Variants in ADARB2 observed in about 807,000 individuals in gnomAD.
ADARB2 encodes adenosine deaminase RNA specific B2 (inactive), also known as inactive double-stranded RNA-specific editase B2.
ADARB2 carries 25 observed loss-of-function variants against 62.2 expected under a neutral mutation model. The ratio of observed to expected loss-of-function variants is 0.40; its 90% CI spans 0.29 to 0.56. ADARB2 has a LOEUF of 0.56. ADARB2 is among the 20% of genes least tolerant of loss of function. ADARB2 has a pLI of 0.43. For synonymous variants in ADARB2, 572 were observed against 500.8 expected, an observed-to-expected ratio of 1.14 and a Z score of -1.90; for missense variants, 1,071 against 1,077.4, an observed-to-expected ratio of 0.99 and a Z score of 0.08.
intron 6 of ADARB2, among the ~76,000 whole-genome samples, chr10:1,218,253 G>T (rs1830649480): frequency 6.6e-6 from 1 of 152,074 alleles, no homozygotes; most frequent in South Asian, 2.1e-4. Context: ...GTTTCGCCAT[G>T]TTGGCTAGGC....
chr10:1,248,156 C>T (rs1462935378), intron 4 of ADARB2, among the ~76,000 whole-genome samples: 4 of 152,154 alleles, frequency 2.6e-5, no homozygotes, highest in African/African-American at 4.8e-5. Context: ...ACTGAGGTCC[C>T]GTCTCCAGCT....
chr10:1,254,839 ACCCACTCTGTGGGCATCCACAGATG>A, intron 4 of ADARB2, among the ~76,000 whole-genome samples: 1 of 152,254 alleles, frequency 6.6e-6, no homozygotes, highest in Admixed American at 6.5e-5. Context: ...TACAAAGAAA[ACCCACTCTGTGGGCATCCACAGATG>A]CCATGGTCCC....
chr10:1,378,934 A>G (rs1832457886), intron 2 of ADARB2, 140 bp downstream of exon 2: 1 of 679,046 alleles, frequency 1.5e-6, no homozygotes, highest in Non-Finnish European at 2.6e-6. Context: ...GAGGAATGAG[A>G]GCAGATACTG....
chr10:1,404,759 C>A (rs1490700903), intron 1 of ADARB2, among the ~76,000 whole-genome samples: 4 of 152,156 alleles, frequency 2.6e-5, no homozygotes, highest in Non-Finnish European at 5.9e-5. Context: ...CCCAAAGGAC[C>A]CTGGACAGAC....
At chr10:1,568,675 T>C (rs568030432) in intron 1 of ADARB2, among the ~76,000 whole-genome samples, 2 of 152,258 alleles carry the variant, frequency 1.3e-5, no homozygotes, top group East Asian at 1.9e-4. Context: ...CACTGTTTCC[T>C]AAGGAGTTTG....
rs542703040 is a variant in ADARB2, at chr10:1,649,411, T to C, written c.100+87640A>G. ...ACTTTTCTATCATGATCTGGGCCCC[T>C]GTCCTGCCCTTCAGCCACAGTTCAT... On this transcript the variant is annotated intron_variant, in intron 1 of 9. Coordinates refer to ENST00000381312, the MANE Select transcript of ADARB2 (RefSeq NM_018702.4). 3.0e-4 allele frequency among the ~76,000 whole-genome samples: 46 copies of C among 152,222 alleles called. 1 individual carries two copies. Among genetic ancestry groups the C allele is most frequent in the African/African-American group, 1.1e-3 (46 of 41,560 alleles).
At chr10:1,243,686 C>G (rs562933065) in intron 4 of ADARB2, among the ~76,000 whole-genome samples, 6 of 152,382 alleles carry the variant, frequency 3.9e-5, no homozygotes, top group African/African-American at 1.4e-4. Context: ...GGGAAGTAAC[C>G]TGCAGAGGCC....
intron 3 of ADARB2, among the ~76,000 whole-genome samples, chr10:1,354,219 A>T (rs1214913128): frequency 6.6e-6 from 1 of 152,102 alleles, no homozygotes; most frequent in Non-Finnish European, 1.5e-5. Context: ...AGAAGACAGG[A>T]ATGTCAGGCC....
chr10:1,679,550 T>C (rs1002131979), intron 1 of ADARB2, among the ~76,000 whole-genome samples: 5 of 152,212 alleles, frequency 3.3e-5, no homozygotes, highest in African/African-American at 9.7e-5. Flanking sequence ...GTGCAACTCC[T>C]GGGCCCTTAA....
chr10:1,726,985 G>T (rs970471093), intron 1 of ADARB2, among the ~76,000 whole-genome samples: 2 of 152,144 alleles, frequency 1.3e-5, no homozygotes, highest in African/African-American at 4.8e-5. Context: ...ATGTTCTAGA[G>T]CTTCTGTTCC....
chr10:1,451,093 C>T (rs1831030604), intron 1 of ADARB2, among the ~76,000 whole-genome samples: 2 of 152,216 alleles, frequency 1.3e-5, no homozygotes, highest in Admixed American at 1.3e-4. Context: ...AGCCTGGGGA[C>T]TCTGGGAAGT....
chr10:1,470,115 A>C (rs1831302204), intron 1 of ADARB2, among the ~76,000 whole-genome samples: 2 of 151,902 alleles, frequency 1.3e-5, no homozygotes, highest in Admixed American at 1.3e-4. Flanking sequence ...ATCTGACCTG[A>C]CCCTCTCCCA....
rs2253345 is a variant in ADARB2 at position 1,358,320 on chromosome 10, A to C, written c.1077+4708T>G. Reference sequence around the variant, plus strand: ...CCATTATGATGTCGGATAGGAGAGAAACCTGCTGTGCCCTCAGCCCTTGAG... The same window carrying C: ...CCATTATGATGTCGGATAGGAGAGACACCTGCTGTGCCCTCAGCCCTTGAG... On this transcript the variant is annotated intron_variant, in intron 3 of 9. Coordinates refer to ENST00000381312, the MANE Select transcript of ADARB2 (RefSeq NM_018702.4). 5.5e-3 allele frequency among the ~76,000 whole-genome samples: 839 copies of C among 152,326 alleles called. 7 individuals carry two copies. Among genetic ancestry groups the C allele is most frequent in the African/African-American group, 0.019 (797 of 41,576 alleles).
intron 3 of ADARB2, among the ~76,000 whole-genome samples, chr10:1,304,009 A>C (rs1429590814): frequency 6.6e-6 from 1 of 152,078 alleles, no homozygotes; most frequent in East Asian, 1.9e-4. Context: ...GACAGGATCA[A>C]ATTCACACAT....
chr10:1,665,732 G>C (rs1013315854), intron 1 of ADARB2, among the ~76,000 whole-genome samples: 1 of 152,244 alleles, frequency 6.6e-6, no homozygotes, highest in African/African-American at 2.4e-5. Context: ...GGGTCCGGGG[G>C]AAGGGAGGGG....
intron 1 of ADARB2, among the ~76,000 whole-genome samples, chr10:1,522,576 T>A (rs2813449): frequency 1.3e-5 from 2 of 151,942 alleles, no homozygotes; most frequent in African/African-American, 4.8e-5. Context: ...CTTTTGCATG[T>A]TCCAGCTCCT....
intron 4 of ADARB2, among the ~76,000 whole-genome samples, chr10:1,252,890 T>C (rs1309503816): frequency 2.0e-5 from 3 of 152,202 alleles, no homozygotes; most frequent in Admixed American, 6.5e-5. Context: ...CACCAGTGTC[T>C]CCTGGGCTTT....
At chr10:1,476,088 A>G (rs1327973553) in intron 1 of ADARB2, among the ~76,000 whole-genome samples, 2 of 152,250 alleles carry the variant, frequency 1.3e-5, no homozygotes, top group Non-Finnish European at 2.9e-5. Flanking sequence ...GTGATTAAAG[A>G]GAAAGCTCTG....
intron 1 of ADARB2, among the ~76,000 whole-genome samples, chr10:1,440,591 C>A (rs1187545015): frequency 6.6e-6 from 1 of 152,150 alleles, no homozygotes; most frequent in Non-Finnish European, 1.5e-5. Flanking sequence ...CTTAGTTTTG[C>A]ACAACCTAAT....
Sources: allele counts gnomAD v4.1 joint callset (sites outside exome capture counted in the v4.1 genomes callset), GRCh38; gene constraint gnomAD v4.1.1; transcripts MANE v1.5; gene names NCBI Gene and HGNC (gene_info 2026-07-23, HGNC 2026-07-21).